CRYL1: variants seen among roughly 807,000 people sequenced by gnomAD.
CRYL1 encodes the protein crystallin lambda 1.
Under a neutral mutation model 36.6 loss-of-function variants are expected in CRYL1, and 29 were observed. That is an observed-to-expected ratio of 0.79 (90% CI 0.59 to 1.08). The LOEUF (loss-of-function observed/expected upper bound fraction) is 1.08, where lower values mean the gene tolerates loss of function less well. Ranked by LOEUF, CRYL1 falls within the 50% of genes least tolerant of loss-of-function variation. CRYL1 has a pLI of 0.00. For synonymous variants in CRYL1, 152 were observed against 151.5 expected (o/e 1.00, Z -0.02); for missense variants, 411 against 407.9 (o/e 1.01, Z -0.06).
intron 6 of CRYL1, 106 bp downstream of exon 6, chr13:20,413,176 T>C: frequency 1.4e-6 from 1 of 711,346 alleles, no homozygotes; most frequent in South Asian, 1.8e-5. Flanking sequence ...TCATCTCCTA[T>C]ATACTGTCTC....
chr13:20,494,260 G>A (rs982662222), intron 2 of CRYL1, among the ~76,000 whole-genome samples: 5 of 152,136 alleles, frequency 3.3e-5, no homozygotes, highest in East Asian at 1.9e-4. Flanking sequence ...TTTGTGTTAC[G>A]GAGGAATAAG....
At chr13:20,444,365 C>T (rs972451948) in intron 3 of CRYL1, among the ~76,000 whole-genome samples, 13 of 152,240 alleles carry the variant, frequency 8.5e-5, no homozygotes, top group Admixed American at 8.5e-4. Flanking sequence ...GAGATCTTTC[C>T]AAAGTAAAAA....
At chr13:20,404,555 C>T in intron 7 of CRYL1, 80 bp downstream of exon 7, 1 of 880,770 alleles carries the variant, frequency 1.1e-6, no homozygotes, top group Admixed American at 2.0e-5. Flanking sequence ...GCAGGCCCAC[C>T]CGCTGCAGAG....
chr13:20,429,671 C>A (rs950574059), intron 5 of CRYL1, among the ~76,000 whole-genome samples: 17 of 152,102 alleles, frequency 1.1e-4, no homozygotes, highest in Non-Finnish European at 1.6e-4. Context: ...GCCGCGCAGC[C>A]CCAGAGTCTT....
At chr13:20,514,521 A>G (rs1488287615) in intron 1 of CRYL1, among the ~76,000 whole-genome samples, 1 of 152,238 alleles carries the variant, frequency 6.6e-6, no homozygotes, top group African/African-American at 2.4e-5. Context: ...GAGTCAAAAG[A>G]GAAATGATTA....
intron 6 of CRYL1, among the ~76,000 whole-genome samples, chr13:20,412,064 CGCAG>C (rs2031536808): frequency 6.6e-6 from 1 of 152,158 alleles, no homozygotes; most frequent in Admixed American, 6.5e-5. Context: ...CCTCCCCTCT[CGCAG>C]AGGGAGTTTC....
At chr13:20,489,235 TA>T in intron 3 of CRYL1, 134 bp downstream of exon 3, 3 of 1,044,646 alleles carry the variant, frequency 2.9e-6, no homozygotes, top group Non-Finnish European at 4.1e-6. Context: ...TCCTATCACA[TA>T]AAACAAAATC....
intron 3 of CRYL1, among the ~76,000 whole-genome samples, chr13:20,471,191 G>T (rs181760661): frequency 1.3e-5 from 2 of 152,258 alleles, no homozygotes; most frequent in East Asian, 3.9e-4. Context: ...AAGTGGCTAT[G>T]GGATTATGAA....
At chr13:20,474,358 T>A (rs1464777921) in intron 3 of CRYL1, among the ~76,000 whole-genome samples, 1 of 152,062 alleles carries the variant, frequency 6.6e-6, no homozygotes, top group African/African-American at 2.4e-5. Context: ...CGTTGCTGCA[T>A]AGGGATGGGA....
At chr13:20,424,581 G>A (rs1024753055) in intron 5 of CRYL1, among the ~76,000 whole-genome samples, 1 of 152,182 alleles carries the variant, frequency 6.6e-6, no homozygotes, top group Non-Finnish European at 1.5e-5. Flanking sequence ...AGCATCCTGG[G>A]GTGCCCGAGG....
chr13:20,516,868 T>C (rs2034008289), intron 1 of CRYL1, among the ~76,000 whole-genome samples: 1 of 151,936 alleles, frequency 6.6e-6, no homozygotes, highest in Non-Finnish European at 1.5e-5. Flanking sequence ...ACCCAGAAGT[T>C]CAAGAAGAGC....
At chr13:20,410,985 C>A (rs2031509365) in intron 6 of CRYL1, among the ~76,000 whole-genome samples, 1 of 152,210 alleles carries the variant, frequency 6.6e-6, no homozygotes, top group South Asian at 2.1e-4. Context: ...GCACGCTGGC[C>A]TCCTGTTTCT....
chr13:20,438,558 C>T (rs1310425162), intron 4 of CRYL1, among the ~76,000 whole-genome samples: 1 of 152,190 alleles, frequency 6.6e-6, no homozygotes, highest in Non-Finnish European at 1.5e-5. Flanking sequence ...CATGTGTGCT[C>T]ATGCCACCAG....
intron 2 of CRYL1, among the ~76,000 whole-genome samples, chr13:20,496,968 T>C (rs1027234935): frequency 4.6e-5 from 7 of 151,724 alleles, no homozygotes; most frequent in Non-Finnish European, 8.8e-5. Flanking sequence ...AATGATTGAA[T>C]GAGGTGGAGA....
At chr13:20,432,418 G>A in intron 4 of CRYL1, 122 bp from the exon 5 acceptor site, 1 of 601,110 alleles carries the variant, frequency 1.7e-6, no homozygotes, top group East Asian at 2.9e-5. Context: ...AGATTCAGTG[G>A]CCAACAACAA....
At chr13:20,457,656 A>T (rs2032719239) in intron 3 of CRYL1, among the ~76,000 whole-genome samples, 1 of 152,188 alleles carries the variant, frequency 6.6e-6, no homozygotes, top group Non-Finnish European at 1.5e-5. Flanking sequence ...ACAAATCTGG[A>T]TCTACCACTT....
intron 3 of CRYL1, among the ~76,000 whole-genome samples, chr13:20,457,005 C>T (rs988691713): frequency 2.0e-4 from 30 of 152,294 alleles, no homozygotes; most frequent in Admixed American, 1.8e-3. Context: ...CCAGTGCAGA[C>T]TGCCAGCAGG....
At position 20,432,159 on chromosome 13, in the gene CRYL1, G is replaced by A; in HGVS notation, c.576C>T (p.Gly192=). The change falls in exon 5 of 8, where the codon GGC becomes GGT. Residue 192 remains glycine (G), a synonymous_variant. Coordinates refer to ENST00000298248, the MANE Select transcript of CRYL1 (RefSeq NM_015974.3). Reference sequence around the variant, plus strand: ...CATATTGCAGGCGGTTCAGAACGAAGCCGGCCACCTCCTTCTGGACTCGCA... The same window carrying A: ...CATATTGCAGGCGGTTCAGAACGAAACCGGCCACCTCCTTCTGGACTCGCA... The part of the protein sequence containing the change: ...CPMRVQKEVA[G]FVLNRLQYAI... The A allele has an allele frequency of 6.2e-7, 1 of 1,614,156 alleles. No homozygotes were observed. Among genetic ancestry groups the A allele is most frequent in the Non-Finnish European group, 8.5e-7 (1 of 1,180,010 alleles).
intron 5 of CRYL1, chr13:20,430,196 C>G: frequency 1.0e-6 from 1 of 984,564 alleles, no homozygotes; most frequent in Non-Finnish European, 1.2e-6. Context: ...TTTTTAGAAA[C>G]AAATTATCTT....
Sources: allele counts gnomAD v4.1 joint callset (sites outside exome capture counted in the v4.1 genomes callset), GRCh38; gene constraint gnomAD v4.1.1; transcripts MANE v1.5; gene names NCBI Gene and HGNC (gene_info 2026-07-23, HGNC 2026-07-21).